Variants in TMEM222 observed in about 807,000 individuals in gnomAD.
The protein encoded by TMEM222 is transmembrane protein 222, also known as chromosome 1 open reading frame 160.
Under a neutral mutation model 25.1 loss-of-function variants are expected in TMEM222, and 18 were observed. That is an observed-to-expected ratio of 0.72 (90% CI 0.50 to 1.06). TMEM222 has a LOEUF of 1.06. Among genes scored for constraint, TMEM222 ranks in the 50% least tolerant of loss-of-function variants. The pLI, the probability that TMEM222 is intolerant of heterozygous loss-of-function variation, is 0.00. For synonymous variants in TMEM222, 131 were observed against 117.9 expected (o/e 1.11, Z -0.72); for missense variants, 296 against 293.7 (o/e 1.01, Z -0.06).
rs1553136111 is a variant in TMEM222 at position 27,330,783 on chromosome 1, C to T, written c.258C>T (p.Phe86=). ...CATCCACAGGAGTCATTCGGGACTTCGCGGGCCCCTACTTTGTCTCAGTGA... is the reference window on the plus strand; with the variant it reads ...CATCCACAGGAGTCATTCGGGACTTTGCGGGCCCCTACTTTGTCTCAGTGA... The part of the protein sequence containing the change: ...ICTSTGVIRD[F]AGPYFVSEDN... Residue 86 remains phenylalanine (F), a synonymous_variant, in exon 2 of 6, where the codon TTC becomes TTT. Transcript: ENST00000374076. The T allele has an allele frequency of 6.2e-6, 10 of 1,614,052 alleles. No homozygotes were observed. Among genetic ancestry groups the T allele is most frequent in the South Asian group, 5.5e-5 (5 of 91,082 alleles).
In TMEM222 at chr1:27,335,035, G is replaced by A. The variant is rs1192080025; in HGVS notation, c.540-344G>A. The stretch of plus-strand genomic sequence containing the variant: ...CACACGTGGCTTCCATACCCAAACT[G>A]CAATTCCTGGTCCTCTTGCTGGAGA... On this transcript the variant is annotated intron_variant, in intron 5 of 5. Coordinates refer to ENST00000374076, the MANE Select transcript of TMEM222 (RefSeq NM_032125.3). The A allele has an allele frequency of 2.5e-5, 9 of 357,076 alleles. No homozygotes were observed. In the Admixed American group the frequency reaches 3.5e-4, roughly 14 times the overall value. The allele number at this position is 357,076 out of a possible 1,614,324, so 22.1% of individuals were successfully genotyped here.
rs1415326714 is a variant in TMEM222, at chr1:27,335,881, G to C, written c.*415G>C. 3 of 218,602 alleles carry C rather than the reference G, an allele frequency of 1.4e-5. No homozygotes were observed. The highest frequency in any genetic ancestry group is 6.8e-5 in the African/African-American group (3 of 44,340). 13.5% of individuals were successfully genotyped at this position (218,602 alleles called of 1,614,324 possible). A position where few individuals can be genotyped will look rare whatever the true frequency, so the allele number is the denominator to read the frequency against. ...CTGGTCCCAGCATGGGGTGCACCGG[G>C]TACACTTAACGTGTCTCTATAAGCC... On this transcript the variant is annotated 3_prime_UTR_variant, in exon 6 of 6. Transcript: ENST00000374076.
At chr1:27,322,481 C>G (rs565405654) in intron 1 of TMEM222, 90 bp downstream of exon 1, 10 of 1,244,610 alleles carry the variant, frequency 8.0e-6, no homozygotes, top group Middle Eastern at 4.4e-4. Flanking sequence ...CAACGCGCAG[C>G]AAGCCTTTTC....
rs371927517 is a variant in TMEM222 at position 27,332,018 on chromosome 1, A to C, written c.280-52A>C. On this transcript the variant is annotated intron_variant, in intron 2 of 5. Transcript: ENST00000374076. ...CTTCTGCCACCTACCCAGGTTTGTC[A>C]TCTGGCCCAAATGTAAGTTCCTCAC... 1.9e-6 allele frequency: 3 copies of C among 1,611,302 alleles called. No homozygotes were observed. In the East Asian group the frequency reaches 6.7e-5, roughly 36 times the overall value.
intron 1 of TMEM222, among the ~76,000 whole-genome samples, chr1:27,323,749 G>C (rs1337769797): frequency 1.3e-5 from 2 of 152,114 alleles, no homozygotes; most frequent in Non-Finnish European, 2.9e-5. Context: ...CTTCAGCATG[G>C]GCAACACAGT....
chr1:27,335,563 G>GCCTT lies in TMEM222; in HGVS notation c.*97_*98insCCTT. ...TTTTCTCCTCACCCCAAAAGGCAGG[G>GCCTT]TTGGGCCTGCTGTTGTGGACCGGGG... On this transcript the variant is annotated 3_prime_UTR_variant, in exon 6 of 6. Transcript: ENST00000374076. 8.0e-7 allele frequency: 1 copy of GCCTT among 1,247,274 alleles called. No homozygotes were observed. The highest frequency in any genetic ancestry group is 1.2e-6 in the Non-Finnish European group (1 of 868,024). 77.3% of individuals were successfully genotyped at this position (1,247,274 alleles called of 1,614,324 possible).
At chr1:27,333,933 G>A in intron 3 of TMEM222, 25 bp from the exon 4 acceptor site, 2 of 1,607,012 alleles carry the variant, frequency 1.2e-6, no homozygotes, top group Non-Finnish European at 1.7e-6. Flanking sequence ...CCAAGCAAGT[G>A]TCCAGAGCCC....
At position 27,322,164 on chromosome 1, in the gene TMEM222, G is replaced by C. The variant is rs766349920; in HGVS notation, c.-34G>C. On this transcript the variant is annotated 5_prime_UTR_variant, in exon 1 of 6. Transcript: ENST00000374076. ...GACGCCATGGGGACGAGCGGCACCA[G>C]AGCCGGGGCCAGTCGGAGCGGGGCG... is the stretch of plus-strand genomic sequence containing the variant. 4 of 1,358,744 alleles carry C rather than the reference G, an allele frequency of 2.9e-6. No homozygotes were observed. The highest frequency in any genetic ancestry group is 3.8e-6 in the Non-Finnish European group (4 of 1,044,468). The allele number at this position is 1,358,744 out of a possible 1,614,324, so 84.2% of individuals were successfully genotyped here.
At chr1:27,326,821 A>C (rs576280803) in intron 1 of TMEM222, among the ~76,000 whole-genome samples, 1 of 152,220 alleles carries the variant, frequency 6.6e-6, no homozygotes, top group East Asian at 1.9e-4. Context: ...CTAGGTCCTG[A>C]ATAGAAGGTA....
In TMEM222 at chr1:27,336,005, A is replaced by T. The variant is rs573407999; in HGVS notation, c.*539A>T. On this transcript the variant is annotated 3_prime_UTR_variant, in exon 6 of 6. Coordinates refer to ENST00000374076, the MANE Select transcript of TMEM222 (RefSeq NM_032125.3). ...CCTGCCGGCAGCTGCCCTGGGGGAC[A>T]TGTGTGCCCATCTGGCATCCTCCAG... The T allele has an allele frequency of 6.3e-6, 1 of 157,528 alleles. No homozygotes were observed. The highest frequency in any genetic ancestry group is 1.4e-5 in the Non-Finnish European group (1 of 71,034). 9.8% of individuals were successfully genotyped at this position (157,528 alleles called of 1,614,324 possible).
At chr1:27,333,869 C>A in intron 3 of TMEM222, 89 bp from the exon 4 acceptor site, 1 of 1,218,814 alleles carries the variant, frequency 8.2e-7, no homozygotes, top group Non-Finnish European at 1.2e-6. Context: ...CAGCTCAGGC[C>A]CGGGCACAGG....
At chr1:27,333,428 T>C (rs2014529197) in intron 3 of TMEM222, 1 of 470,864 alleles carries the variant, frequency 2.1e-6, no homozygotes, top group African/African-American at 2.0e-5. Flanking sequence ...CAAAATCTCA[T>C]CAATTGGGTA....
At chr1:27,325,316 C>T (rs2014313653) in intron 1 of TMEM222, 2 of 687,944 alleles carry the variant, frequency 2.9e-6, no homozygotes, top group African/African-American at 1.8e-5. Context: ...GTGAAGCGTT[C>T]CATATTTTTG....
At chr1:27,333,338 C>G (rs1402628656) in intron 3 of TMEM222, 1 of 471,192 alleles carries the variant, frequency 2.1e-6, no homozygotes, top group South Asian at 1.5e-5. Context: ...CTGCCTAACC[C>G]TCTTCCTTCA....
intron 1 of TMEM222, among the ~76,000 whole-genome samples, chr1:27,324,833 C>T (rs1235863344): frequency 1.3e-5 from 2 of 152,070 alleles, no homozygotes; most frequent in East Asian, 3.9e-4. Context: ...AGATGCTACA[C>T]ACTTTTAAAC....
intron 1 of TMEM222, among the ~76,000 whole-genome samples, chr1:27,322,821 C>T (rs1295776904): frequency 6.6e-6 from 1 of 152,176 alleles, no homozygotes; most frequent in Non-Finnish European, 1.5e-5. Flanking sequence ...TGGGACCACA[C>T]GAGATCCTGG....
intron 3 of TMEM222, 41 bp from the exon 4 acceptor site, chr1:27,333,917 A>G: frequency 6.3e-7 from 1 of 1,588,352 alleles, no homozygotes; most frequent in Non-Finnish European, 8.6e-7. Flanking sequence ...TGAGGGCACA[A>G]AGGAGCCAAG....
chr1:27,323,486 A>C (rs2014260160), intron 1 of TMEM222, among the ~76,000 whole-genome samples: 2 of 152,236 alleles, frequency 1.3e-5, no homozygotes, highest in Admixed American at 1.3e-4. Context: ...GTTCTTTAAA[A>C]ATAAAATATT....
At chr1:27,323,644 G>A (rs1426905575) in intron 1 of TMEM222, among the ~76,000 whole-genome samples, 7 of 152,116 alleles carry the variant, frequency 4.6e-5, no homozygotes, top group African/African-American at 2.4e-5. Context: ...ATAGTGGCAC[G>A]TGCCTGTAAT....
Sources: allele counts gnomAD v4.1 joint callset (sites outside exome capture counted in the v4.1 genomes callset), GRCh38; gene constraint gnomAD v4.1.1; transcripts MANE v1.5; gene names NCBI Gene and HGNC (gene_info 2026-07-23, HGNC 2026-07-21).